NRIP1: variants seen among roughly 807,000 people sequenced by gnomAD.
The protein encoded by NRIP1 is nuclear receptor interacting protein 1, also known as nuclear receptor-interacting protein 1.
NRIP1 carries 28 observed loss-of-function variants against 75.0 expected under a neutral mutation model. The observed-to-expected ratio is 0.37, with a 90% CI of 0.28 to 0.51. The LOEUF (loss-of-function observed/expected upper bound fraction) is 0.51. Among genes scored for constraint, NRIP1 ranks in the 20% least tolerant of loss-of-function variants. The pLI is 0.92. For synonymous variants in NRIP1, 526 were observed against 487.6 expected (o/e 1.08, Z -1.04); for missense variants, 1,435 against 1,343.7 (o/e 1.07, Z -1.06).
At position 15,004,468 on chromosome 21, in the gene NRIP1, G is replaced by A. The variant is rs550220045; in HGVS notation, c.-335+9876C>T. ...TAGATTGTTCTGCTCCAATCCTGCA[G>A]AGGTGATATACATTAAGTCTCAAGC... On this transcript the variant is annotated intron_variant, in intron 3 of 3. Transcript: ENST00000318948. Among the ~76,000 whole-genome samples, 101 of 152,340 alleles carry A rather than the reference G, an allele frequency of 6.6e-4. 3 individuals carry two copies. In the South Asian group the frequency reaches 0.02, roughly 31 times the overall value.
chr21:15,041,320 C>G (rs1437914876), intron 2 of NRIP1, among the ~76,000 whole-genome samples: 1 of 152,090 alleles, frequency 6.6e-6, no homozygotes, highest in Admixed American at 6.6e-5. Flanking sequence ...AAGACTATTC[C>G]TGTTAGGTAG....
chr21:15,027,512 T>C (rs985762388), intron 2 of NRIP1, among the ~76,000 whole-genome samples: 11 of 152,266 alleles, frequency 7.2e-5, no homozygotes, highest in African/African-American at 2.4e-4. Flanking sequence ...AAGGAGTATA[T>C]AAAGAGATAC....
At position 15,046,959 on chromosome 21, in the gene NRIP1, T is replaced by G. The variant is rs555019518; in HGVS notation, c.-537-3385A>C. The stretch of plus-strand genomic sequence containing the variant: ...TGAGGCGCTGCTCTGGATTAGGTTT[T>G]GGCTTAAGGGAATGTTATGGCTGCT... On this transcript the variant is annotated intron_variant, in intron 1 of 3. Coordinates refer to ENST00000318948, the MANE Select transcript of NRIP1 (RefSeq NM_003489.4). 2.0e-5 allele frequency among the ~76,000 whole-genome samples: 3 copies of G among 152,360 alleles called. No homozygotes were observed. In the East Asian group the frequency reaches 5.8e-4, roughly 29 times the overall value.
chr21:15,014,982 A>T (rs2088192056), intron 2 of NRIP1, among the ~76,000 whole-genome samples: 1 of 152,182 alleles, frequency 6.6e-6, no homozygotes, highest in Non-Finnish European at 1.5e-5. Flanking sequence ...CCCAAAGTAG[A>T]TTTATTTTTA....
At chr21:15,026,701 G>A (rs567054372) in intron 2 of NRIP1, among the ~76,000 whole-genome samples, 2 of 152,062 alleles carry the variant, frequency 1.3e-5, no homozygotes, top group South Asian at 2.1e-4. Context: ...ACAAACAAAC[G>A]AAAGGACCCA....
intron 3 of NRIP1, among the ~76,000 whole-genome samples, chr21:14,983,049 G>T (rs1186960385): frequency 6.6e-6 from 1 of 151,884 alleles, no homozygotes; most frequent in Non-Finnish European, 1.5e-5. Context: ...CAACAATATT[G>T]AAATTAGATC....
chr21:15,036,232 C>T (rs1186704002), intron 2 of NRIP1, among the ~76,000 whole-genome samples: 3 of 152,144 alleles, frequency 2.0e-5, no homozygotes, highest in Non-Finnish European at 4.4e-5. Flanking sequence ...GTGTATACTG[C>T]CCACATAATC....
chr21:15,052,913 C>G (rs2147376491), intron 1 of NRIP1, among the ~76,000 whole-genome samples: 1 of 152,170 alleles, frequency 6.6e-6, no homozygotes, highest in Non-Finnish European at 1.5e-5. Context: ...ACTTAAAGAT[C>G]AGTAACATAA....
intron 3 of NRIP1, among the ~76,000 whole-genome samples, chr21:14,999,006 G>A (rs1054460241): frequency 2.6e-5 from 4 of 152,048 alleles, no homozygotes; most frequent in Admixed American, 6.6e-5. Flanking sequence ...GTGAACTCTC[G>A]TAGAAAGAGA....
At chr21:14,972,340 A>G (rs1419772351) in intron 3 of NRIP1, among the ~76,000 whole-genome samples, 2 of 152,160 alleles carry the variant, frequency 1.3e-5, no homozygotes, top group Non-Finnish European at 2.9e-5. Context: ...GAAATATAGC[A>G]AAAAAAGAAA....
chr21:15,001,648 G>T (rs923436257), intron 3 of NRIP1, among the ~76,000 whole-genome samples: 1 of 151,986 alleles, frequency 6.6e-6, no homozygotes, highest in African/African-American at 2.4e-5. Context: ...GCTAGCAGAA[G>T]AATAAAGTAA....
intron 3 of NRIP1, among the ~76,000 whole-genome samples, chr21:14,994,038 A>G (rs188910965): frequency 1.4e-4 from 21 of 152,120 alleles, no homozygotes; most frequent in Non-Finnish European, 2.6e-4. Context: ...CAATCATATG[A>G]CACTGCTTAG....
At chr21:14,995,063 A>T (rs1015025867) in intron 3 of NRIP1, among the ~76,000 whole-genome samples, 1 of 152,252 alleles carries the variant, frequency 6.6e-6, no homozygotes, top group African/African-American at 2.4e-5. Context: ...TTTCATACAC[A>T]TTAAATGATG....
intron 3 of NRIP1, among the ~76,000 whole-genome samples, chr21:15,003,956 A>G (rs1183680621): frequency 6.6e-6 from 1 of 152,194 alleles, no homozygotes; most frequent in African/African-American, 2.4e-5. Context: ...GCAGGATGCA[A>G]TGAATCACAC....
intron 3 of NRIP1, among the ~76,000 whole-genome samples, chr21:15,007,660 C>T (rs967999335): frequency 2.6e-5 from 4 of 152,264 alleles, no homozygotes; most frequent in East Asian, 1.9e-4. Context: ...CTTTTCAGAA[C>T]AGTGTGAGAG....
intron 3 of NRIP1, among the ~76,000 whole-genome samples, chr21:15,011,019 C>T (rs927496635): frequency 2.6e-5 from 4 of 152,174 alleles, no homozygotes; most frequent in Non-Finnish European, 4.4e-5. Context: ...CTTTCACCAG[C>T]ATCACGTTTC....
At chr21:15,037,605 G>C (rs1203524787) in intron 2 of NRIP1, among the ~76,000 whole-genome samples, 1 of 152,132 alleles carries the variant, frequency 6.6e-6, no homozygotes, top group Non-Finnish European at 1.5e-5. Flanking sequence ...CCTTCTGTCC[G>C]AGTGATCATA....
At chr21:14,969,171 A>G (rs568507139) in intron 3 of NRIP1, among the ~76,000 whole-genome samples, 1 of 152,356 alleles carries the variant, frequency 6.6e-6, no homozygotes, top group African/African-American at 2.4e-5. Context: ...AAACATTAAA[A>G]TACAGTCATA....
chr21:14,964,621 C>A lies in NRIP1; in HGVS notation c.*95G>T. ...CAAAATGAAAAAAGTTTCAATTATA[C>A]CATGCTTTTTTTCAAATCATGCTCT... On this transcript the variant is annotated 3_prime_UTR_variant, in exon 4 of 4. Coordinates refer to ENST00000318948, the MANE Select transcript of NRIP1 (RefSeq NM_003489.4). 6 of 986,658 alleles carry A rather than the reference C, an allele frequency of 6.1e-6. No homozygotes were observed. Among genetic ancestry groups the A allele is most frequent in the Non-Finnish European group, 8.7e-6 (6 of 689,214 alleles). The allele number at this position is 986,658 out of a possible 1,614,324, so 61.1% of individuals were successfully genotyped here.
Sources: gnomAD v4.1 joint callset for allele counts (sites outside exome capture counted in the v4.1 genomes callset) on GRCh38, gnomAD v4.1.1 for gene constraint, MANE v1.5 for transcripts, NCBI Gene and HGNC (gene_info 2026-07-23, HGNC 2026-07-21) for gene names.